Variants in PDE1C observed in about 807,000 individuals in gnomAD.
PDE1C encodes the protein phosphodiesterase 1C.
PDE1C carries 62 observed loss-of-function variants against 93.1 expected under a neutral mutation model. The ratio of observed to expected loss-of-function variants is 0.67; its 90% CI spans 0.54 to 0.82. PDE1C has a LOEUF of 0.82. Ranked by LOEUF, PDE1C falls within the 40% of genes least tolerant of loss-of-function variation. PDE1C has a pLI of 0.00. For synonymous variants in PDE1C, 325 were observed against 310.1 expected (o/e 1.05, Z -0.50); for missense variants, 742 against 884.6 (o/e 0.84, Z 2.04).
At chr7:31,695,670 C>T in the PDE1C span, 5 of 1,555,282 alleles carry the variant, frequency 3.2e-6, no homozygotes, top group Non-Finnish European at 4.3e-6. Flanking sequence ...CCACTTGCCA[C>T]TAGGTTGCAT....
At chr7:31,883,742 C>T (rs1248602171) in intron 2 of PDE1C, among the ~76,000 whole-genome samples, 1 of 152,182 alleles carries the variant, frequency 6.6e-6, no homozygotes, top group East Asian at 1.9e-4. Flanking sequence ...GTGGGGCCTT[C>T]AGGGAAAGCT....
chr7:31,843,638 C>A (rs541423346), intron 9 of PDE1C, among the ~76,000 whole-genome samples: 18 of 151,886 alleles, frequency 1.2e-4, no homozygotes, highest in Admixed American at 9.8e-4. Flanking sequence ...ATTCTAATAA[C>A]CTTTTCCTTT....
chr7:31,689,980 A>G, the PDE1C span, among the ~76,000 whole-genome samples: 6 of 152,200 alleles, frequency 3.9e-5, no homozygotes, highest in African/African-American at 1.4e-4. Context: ...AGACAAGATG[A>G]GCTATGCTGT....
rs114626963 is a variant in PDE1C, at chr7:32,066,344, T to C, written c.101+3949A>G. 6.3e-3 allele frequency among the ~76,000 whole-genome samples: 962 copies of C among 152,318 alleles called. 15 individuals carry two copies. Among genetic ancestry groups the C allele is most frequent in the African/African-American group, 0.022 (914 of 41,562 alleles). On this transcript the variant is annotated intron_variant, in intron 1 of 17. Transcript: ENST00000396191. ...CAGTCTATTAACTTAATAGCCATTCTCTTGCCTTTATATTAATAATGTTAC... is the reference window on the plus strand; with the variant it reads ...CAGTCTATTAACTTAATAGCCATTCCCTTGCCTTTATATTAATAATGTTAC...
At chr7:31,652,519 A>G in the PDE1C span, 1 of 1,590,926 alleles carries the variant, frequency 6.3e-7, no homozygotes, top group Non-Finnish European at 8.6e-7. Flanking sequence ...TCCTTTTAGC[A>G]GCTGGAGGTT....
chr7:32,245,489 G>A (rs28451011), intron 1 of PDE1C, among the ~76,000 whole-genome samples: 3,668 of 152,100 alleles, frequency 0.024, 163 homozygotes, highest in African/African-American at 0.082. Flanking sequence ...CCCAATCCTC[G>A]TTCTGCTTCC....
the PDE1C span, among the ~76,000 whole-genome samples, chr7:31,711,443 G>C: frequency 6.6e-6 from 1 of 152,128 alleles, no homozygotes; most frequent in Admixed American, 6.5e-5. Flanking sequence ...AGGAAGCCAG[G>C]AAGAAACTCA....
At chr7:32,183,725 G>C (rs968454591) in intron 2 of PDE1C, among the ~76,000 whole-genome samples, 9 of 152,250 alleles carry the variant, frequency 5.9e-5, no homozygotes, top group Admixed American at 2.6e-4. Flanking sequence ...CAATACCATT[G>C]AGGACATAGG....
At chr7:31,757,201 T>C (rs1372128419) in intron 17 of PDE1C, among the ~76,000 whole-genome samples, 1 of 152,186 alleles carries the variant, frequency 6.6e-6, no homozygotes, top group Middle Eastern at 3.2e-3. Flanking sequence ...AAGCAGGATA[T>C]ATTATCTAAC....
intron 2 of PDE1C, among the ~76,000 whole-genome samples, chr7:31,957,026 T>C (rs1808243022): frequency 6.6e-6 from 1 of 151,810 alleles, no homozygotes; most frequent in Admixed American, 6.6e-5. Context: ...AGGGGTGAAA[T>C]TGACTGACAA....
chr7:31,757,015 G>C (rs770013607), intron 17 of PDE1C, among the ~76,000 whole-genome samples: 5 of 152,156 alleles, frequency 3.3e-5, no homozygotes, highest in Non-Finnish European at 7.4e-5. Context: ...TCCAATAACA[G>C]GGACATGCAT....
chr7:32,024,511 T>G (rs540800959), intron 2 of PDE1C, among the ~76,000 whole-genome samples: 30 of 150,166 alleles, frequency 2.0e-4, no homozygotes, highest in African/African-American at 5.1e-4. Flanking sequence ...AAAAGAAAAA[T>G]AAAATCATCA....
At chr7:32,187,148 C>G (rs1803936339) in intron 2 of PDE1C, among the ~76,000 whole-genome samples, 1 of 151,568 alleles carries the variant, frequency 6.6e-6, no homozygotes, top group Non-Finnish European at 1.5e-5. Flanking sequence ...CTCTCTCTTT[C>G]TCTTTCTCTC....
intron 2 of PDE1C, among the ~76,000 whole-genome samples, chr7:31,973,251 G>T (rs1008511394): frequency 5.9e-5 from 9 of 152,080 alleles, no homozygotes; most frequent in African/African-American, 2.2e-4. Flanking sequence ...CATATCATTG[G>T]AATCTTAGAT....
rs187979751 is a variant in PDE1C at position 31,997,125 on chromosome 7, T to C, written c.128+54429A>G. On this transcript the variant is annotated intron_variant, in intron 2 of 17. Coordinates refer to ENST00000396191, the MANE Select transcript of PDE1C (RefSeq NM_001191057.4). ...AACATTAAATAACAACAAACAGTGCTTCATGAAGCAAGTTAGTACAGAAGT... is the reference window on the plus strand; with the variant it reads ...AACATTAAATAACAACAAACAGTGCCTCATGAAGCAAGTTAGTACAGAAGT... 4.1e-3 allele frequency among the ~76,000 whole-genome samples: 627 copies of C among 152,328 alleles called. 3 individuals carry two copies. Among genetic ancestry groups the C allele is most frequent in the African/African-American group, 0.014 (581 of 41,582 alleles).
chr7:32,147,329 A>AAAGAAAGAAAGAAAGGAAGG (rs1554513895), intron 3 of PDE1C, among the ~76,000 whole-genome samples: 1 of 143,978 alleles, frequency 6.9e-6, no homozygotes, highest in Admixed American at 7.3e-5. Context: ...AGAAAGAAAG[A>AAAGAAAGAAAGAAAGGAAGG]AAGACGCTGT....
chr7:31,946,837 C>T (rs528304689), intron 2 of PDE1C, among the ~76,000 whole-genome samples: 43 of 152,312 alleles, frequency 2.8e-4, no homozygotes, highest in African/African-American at 9.4e-4. Flanking sequence ...GCCCCAACAT[C>T]TCTAAAGTGT....
chr7:31,865,869 A>C (rs890072949), intron 6 of PDE1C, among the ~76,000 whole-genome samples: 7 of 152,102 alleles, frequency 4.6e-5, no homozygotes, highest in Admixed American at 4.6e-4. Context: ...ATTTTTGTGC[A>C]CTTTGTTTTC....
intron 1 of PDE1C, among the ~76,000 whole-genome samples, chr7:32,417,346 C>A (rs552210189): frequency 1.3e-5 from 2 of 152,002 alleles, no homozygotes; most frequent in South Asian, 4.2e-4. Flanking sequence ...CTAAAAACAT[C>A]CCACTACTGC....
Sources: gnomAD v4.1 joint callset for allele counts (sites outside exome capture counted in the v4.1 genomes callset) on GRCh38, gnomAD v4.1.1 for gene constraint, MANE v1.5 for transcripts, NCBI Gene and HGNC (gene_info 2026-07-23, HGNC 2026-07-21) for gene names.